The following PDE1C variants were observed in gnomAD, a reference collection of about 807,000 sequenced individuals.
PDE1C encodes the protein dual specificity calcium/calmodulin-dependent 3',5'-cyclic nucleotide phosphodiesterase 1C.
A neutral mutation model predicts 93.1 loss-of-function variants in PDE1C; 62 were observed. That is an observed-to-expected ratio of 0.67 (90% CI 0.54 to 0.82). The LOEUF (loss-of-function observed/expected upper bound fraction) is 0.82. Ranked by LOEUF, PDE1C falls within the 40% of genes least tolerant of loss-of-function variation. The pLI is 0.00. For missense variants in PDE1C, 742 were observed against 884.6 expected (o/e 0.84, Z 2.04); for synonymous variants, 325 against 310.1 (o/e 1.05, Z -0.50).
intron 1 of PDE1C, among the ~76,000 whole-genome samples, chr7:32,339,106 C>G (rs929535421): frequency 2.6e-5 from 4 of 151,604 alleles, no homozygotes; most frequent in African/African-American, 9.7e-5. Flanking sequence ...GAGTTTTATT[C>G]AGCCTTAAAA....
At chr7:31,621,195 C>A in the PDE1C span, among the ~76,000 whole-genome samples, 1 of 152,060 alleles carries the variant, frequency 6.6e-6, no homozygotes, top group African/African-American at 2.4e-5. Context: ...AGGATATTAT[C>A]CAGGAGAACT....
the PDE1C span, chr7:31,652,821 T>C: frequency 6.2e-7 from 1 of 1,612,708 alleles, no homozygotes; most frequent in Middle Eastern, 1.7e-4. Context: ...TGCAGATGTC[T>C]TCCTCTAGAT....
chr7:31,697,303 G>A, the PDE1C span, among the ~76,000 whole-genome samples: 1 of 152,158 alleles, frequency 6.6e-6, no homozygotes. Flanking sequence ...GCTCCCCAGG[G>A]GCTGATGTGG....
At chr7:31,980,718 T>C (rs1201868737) in intron 2 of PDE1C, among the ~76,000 whole-genome samples, 1 of 152,182 alleles carries the variant, frequency 6.6e-6, no homozygotes, top group African/African-American at 2.4e-5. Context: ...AGGGCTACAA[T>C]CAAGATGTCT....
intron 1 of PDE1C, among the ~76,000 whole-genome samples, chr7:32,229,485 T>C (rs1192811680): frequency 1.3e-5 from 2 of 152,234 alleles, no homozygotes; most frequent in African/African-American, 2.4e-5. Context: ...TGTTGGTCAG[T>C]GGCGATTTGA....
intron 2 of PDE1C, among the ~76,000 whole-genome samples, chr7:32,026,236 G>T (rs772462669): frequency 6.6e-6 from 1 of 152,024 alleles, no homozygotes; most frequent in Non-Finnish European, 1.5e-5. Context: ...CCACTTCTTT[G>T]GTTGCCAGCC....
At chr7:32,424,681 G>T (rs1734756152) in intron 1 of PDE1C, among the ~76,000 whole-genome samples, 1 of 152,042 alleles carries the variant, frequency 6.6e-6, no homozygotes, top group African/African-American at 2.4e-5. Flanking sequence ...GTGTGTTGGT[G>T]CATGCCTGTA....
chr7:31,928,604 C>T (rs887379964), intron 2 of PDE1C, among the ~76,000 whole-genome samples: 1 of 152,094 alleles, frequency 6.6e-6, no homozygotes, highest in Non-Finnish European at 1.5e-5. Context: ...ACCCTACAAC[C>T]CAGAAGAGAG....
chr7:31,963,449 C>T (rs1809370765), intron 2 of PDE1C, among the ~76,000 whole-genome samples: 1 of 152,174 alleles, frequency 6.6e-6, no homozygotes, highest in African/African-American at 2.4e-5. Context: ...GTCTTTATGT[C>T]CCACAGTAAA....
chr7:32,110,394 C>A (rs1008367837), intron 3 of PDE1C, among the ~76,000 whole-genome samples: 1 of 152,142 alleles, frequency 6.6e-6, no homozygotes, highest in Non-Finnish European at 1.5e-5. Context: ...ACAGGAAAGA[C>A]CCACCCCTAT....
chr7:31,660,920 TAC>T, the PDE1C span, among the ~76,000 whole-genome samples: 1 of 151,998 alleles, frequency 6.6e-6, no homozygotes, highest in Non-Finnish European at 1.5e-5. Context: ...TACATATATG[TAC>T]ACACACATAT....
intron 3 of PDE1C, among the ~76,000 whole-genome samples, chr7:32,164,683 C>T (rs12154834): frequency 0.089 from 13,612 of 152,222 alleles, 919 homozygotes; most frequent in South Asian, 0.18. Context: ...GTCCTCGGCA[C>T]ATAGCAGATG....
chr7:32,387,773 A>C (rs1357376366), intron 1 of PDE1C, among the ~76,000 whole-genome samples: 7 of 104,094 alleles, frequency 6.7e-5, no homozygotes, highest in African/African-American at 9.4e-5. Flanking sequence ...GGCGCCCCTC[A>C]CCTCCCGGAC....
intron 1 of PDE1C, among the ~76,000 whole-genome samples, chr7:32,265,615 C>G (rs1810516477): frequency 6.6e-6 from 1 of 152,142 alleles, no homozygotes; most frequent in South Asian, 2.1e-4. Flanking sequence ...CAAAGCTAGG[C>G]TACTTTTTAG....
chr7:32,387,669 G>A (rs1253331418), intron 1 of PDE1C, among the ~76,000 whole-genome samples: 14 of 131,924 alleles, frequency 1.1e-4, no homozygotes, highest in South Asian at 2.5e-4. Context: ...GCGGCTGGCC[G>A]GGCGGGGGGC....
chr7:31,994,771 T>C (rs1784528060), intron 2 of PDE1C, among the ~76,000 whole-genome samples: 1 of 152,164 alleles, frequency 6.6e-6, no homozygotes, highest in Admixed American at 6.5e-5. Context: ...TTCATAACCT[T>C]AGGCAAATCC....
At chr7:31,931,885 C>G (rs878916485) in intron 2 of PDE1C, among the ~76,000 whole-genome samples, 1 of 151,932 alleles carries the variant, frequency 6.6e-6, no homozygotes, top group Non-Finnish European at 1.5e-5. Flanking sequence ...ACCAATGGAA[C>G]AGAACGGAGG....
the PDE1C span, among the ~76,000 whole-genome samples, chr7:31,639,059 G>A: frequency 1.3e-5 from 2 of 152,182 alleles, no homozygotes; most frequent in African/African-American, 4.8e-5. Context: ...TTACAGGTGT[G>A]AGCCACTGCG....
At chr7:32,191,660 C>T (rs1053704977) in intron 2 of PDE1C, among the ~76,000 whole-genome samples, 15 of 152,254 alleles carry the variant, frequency 9.9e-5, no homozygotes, top group East Asian at 3.9e-4. Context: ...TTGGCTACTA[C>T]GGAAAAAGCT....
Sources: gnomAD v4.1 joint callset for allele counts (sites outside exome capture counted in the v4.1 genomes callset) on GRCh38, gnomAD v4.1.1 for gene constraint, MANE v1.5 for transcripts, NCBI Gene and HGNC (gene_info 2026-07-23, HGNC 2026-07-21) for gene names.